CTSE: variants seen among roughly 807,000 people sequenced by gnomAD.
The protein encoded by CTSE is erythrocyte membrane aspartic proteinase.
Under a neutral mutation model 42.8 loss-of-function variants are expected in CTSE, and 43 were observed. The ratio of observed to expected loss-of-function variants is 1.01; its 90% CI spans 0.79 to 1.30. The LOEUF (loss-of-function observed/expected upper bound fraction) is 1.30. Ranked by LOEUF, CTSE falls within the 50% of genes most tolerant of loss-of-function variation. CTSE has a pLI of 0.00. For synonymous variants in CTSE, 205 were observed against 191.5 expected (o/e 1.07, Z -0.58); for missense variants, 532 against 493.5 (o/e 1.08, Z -0.74).
At chr1:206,023,690 C>T (rs1553278826) in intron 1 of CTSE, 34 bp downstream of exon 1, 2 of 1,605,858 alleles carry the variant, frequency 1.2e-6, no homozygotes, top group South Asian at 1.1e-5. Context: ...CATGGGACTA[C>T]CCAGCTGAAC....
At chr1:206,015,672 G>A (rs782103219) in intron 5 of CTSE, among the ~76,000 whole-genome samples, 10 of 152,062 alleles carry the variant, frequency 6.6e-5, no homozygotes, top group Non-Finnish European at 1.2e-4. Flanking sequence ...TTTAGTGACA[G>A]CATCAATGAA....
chr1:206,023,800 C>A lies in CTSE; in HGVS notation c.-9G>T. On this transcript the variant is annotated 5_prime_UTR_variant, in exon 1 of 9. Transcript: ENST00000358184. ...AGAAGGAGCGTTTTCATTGTGAGTC[C>A]GACCAGCAGCTTCTCCCTTGCCCCC... 6.2e-7 allele frequency: 1 copy of A among 1,613,000 alleles called. No individual in the cohort carries two copies.
chr1:206,013,394 G>A (rs1661172664), intron 6 of CTSE, among the ~76,000 whole-genome samples: 1 of 152,042 alleles, frequency 6.6e-6, no homozygotes. Context: ...CAGGATAGTG[G>A]TTTGGGTGCA....
rs974387214 is a variant in CTSE, at chr1:206,014,972, G to A, written c.662+959C>T. Among the ~76,000 whole-genome samples, 7 of 152,088 alleles carry A rather than the reference G, an allele frequency of 4.6e-5. No individual in the cohort carries two copies. The East Asian group carries it at 1.2e-3, about 25-fold the overall frequency. On this transcript the variant is annotated intron_variant, in intron 5 of 8. Coordinates refer to ENST00000358184, the MANE Select transcript of CTSE (RefSeq NM_001910.4). Reference sequence around the variant, plus strand: ...GGGCTTATGCTGAAACAGTGTGAACGCAGGCCAGGTCTGAGCTGGAAAAAG... The same window carrying A: ...GGGCTTATGCTGAAACAGTGTGAACACAGGCCAGGTCTGAGCTGGAAAAAG...
Position 206,009,325 on chromosome 1 carries a change from T to G in CTSE, c.*858A>C, listed in dbSNP as rs1553276547. 6.6e-6 allele frequency: 1 copy of G among 152,054 alleles called. No individual in the cohort carries two copies. Among genetic ancestry groups the G allele is most frequent in the African/African-American group, 2.4e-5 (1 of 41,414 alleles). 9.4% of individuals were successfully genotyped at this position (152,054 alleles called of 1,614,324 possible). On this transcript the variant is annotated 3_prime_UTR_variant, in exon 9 of 9. Transcript: ENST00000358184. ...AGAACTCCAAACCCACCCAGCAGTC[T>G]TAACATTACCAATAGAGAGGCACCA...
At position 206,022,943 on chromosome 1, in the gene CTSE, T is replaced by C. The variant is rs148748152; in HGVS notation, c.183A>G (p.Ser61=). The C allele has an allele frequency of 2.0e-4, 325 of 1,604,420 alleles. 1 individual carries two copies. Among genetic ancestry groups the C allele is most frequent in the Non-Finnish European group, 2.7e-4 (313 of 1,174,098 alleles). ...LDMIQFTESC[S]MDQSAKEPLI... The stretch of plus-strand genomic sequence containing the variant: ...GGGGTTCCTTGGCACTCTGGTCCAT[T>C]GAGCAGGACTCGGTGAACTGGATCA... Residue 61 remains serine, a synonymous_variant, in exon 2 of 9, where the codon TCA becomes TCG. Transcript: ENST00000358184.
intron 6 of CTSE, 95 bp downstream of exon 6, chr1:206,013,677 G>A: frequency 1.4e-6 from 2 of 1,471,674 alleles, no homozygotes; most frequent in Non-Finnish European, 1.9e-6. Flanking sequence ...GGCATCCTCT[G>A]CTAGTGACCA....
At chr1:206,012,167 A>G (rs782502408) in intron 8 of CTSE, 141 bp downstream of exon 8, 7 of 671,756 alleles carry the variant, frequency 1.0e-5, no homozygotes, top group Non-Finnish European at 1.8e-5. Context: ...TGTCCCTCCC[A>G]GAGGGAATGC....
In CTSE at chr1:206,012,492, G is replaced by A. The variant is rs199852986; in HGVS notation, c.927+16C>T. Reference sequence around the variant, plus strand: ...TCTCCTGTCCCCACCACTCCCTTGCGCAGGCAGGCACTCACTTCTCCATCC... The same window carrying A: ...TCTCCTGTCCCCACCACTCCCTTGCACAGGCAGGCACTCACTTCTCCATCC... On this transcript the variant is annotated intron_variant, in intron 7 of 8. Transcript: ENST00000358184. The A allele has an allele frequency of 7.1e-4, 1,138 of 1,613,874 alleles. 11 individuals are homozygous for A. Among genetic ancestry groups the A allele is most frequent in the Non-Finnish European group, 9.0e-4 (1,057 of 1,179,878 alleles).
intron 4 of CTSE, among the ~76,000 whole-genome samples, chr1:206,019,466 G>A (rs74875824): frequency 0.014 from 2,117 of 151,978 alleles, 51 homozygotes; most frequent in African/African-American, 0.049. Context: ...TGGTCCTGGA[G>A]CCAGAAAAAC....
intron 3 of CTSE, 132 bp downstream of exon 3, chr1:206,022,018 T>C (rs1238232179): frequency 1.7e-6 from 1 of 594,540 alleles, no homozygotes; most frequent in Non-Finnish European, 2.9e-6. Flanking sequence ...GACTCAAAGA[T>C]GGAGAGTGGA....
intron 8 of CTSE, 148 bp from the exon 9 acceptor site, chr1:206,010,495 T>C: frequency 1.4e-6 from 1 of 707,516 alleles, no homozygotes; most frequent in Non-Finnish European, 2.6e-6. Context: ...GGGTTCTTCC[T>C]CCTGCTTCAT....
At chr1:206,015,837 C>A in intron 5 of CTSE, 94 bp downstream of exon 5, 1 of 1,140,670 alleles carries the variant, frequency 8.8e-7, no homozygotes, top group Non-Finnish European at 1.3e-6. Context: ...GACCAAGCTA[C>A]CTAAACCAGG....
chr1:206,023,383 A>G (rs1661508772), intron 1 of CTSE, among the ~76,000 whole-genome samples: 1 of 151,878 alleles, frequency 6.6e-6, no homozygotes, highest in African/African-American at 2.4e-5. Flanking sequence ...AAAGGGACAG[A>G]AAAACTCTTG....
intron 1 of CTSE, 80 bp from the exon 2 acceptor site, chr1:206,023,137 GCCAACTAGAGAAGAT>G: frequency 9.9e-6 from 5 of 503,232 alleles, no homozygotes; most frequent in African/African-American, 2.0e-5. Flanking sequence ...TTTCTCAGGG[GCCAACTAGAGAAGAT>G]GGGGTGGGAG....
In CTSE at chr1:206,023,843, G is replaced by A. The variant is rs1182981397; in HGVS notation, c.-52C>T. ...TTGCCCCCTCCTTTCTTCTCTCCCC[G>A]AGGGCAGTGGGAACGGACTTTCCCT... is the stretch of plus-strand genomic sequence containing the variant. On this transcript the variant is annotated 5_prime_UTR_variant, in exon 1 of 9. Transcript: ENST00000358184. 5.6e-5 allele frequency: 88 copies of A among 1,583,008 alleles called. No homozygotes were observed. Among genetic ancestry groups the A allele is most frequent in the Middle Eastern group, 1.7e-4 (1 of 6,026 alleles).
chr1:206,020,015 ATAT>A (rs1219861654), intron 4 of CTSE, among the ~76,000 whole-genome samples: 5 of 145,166 alleles, frequency 3.4e-5, no homozygotes, highest in Non-Finnish European at 6.0e-5. Flanking sequence ...AATGTATTAC[ATAT>A]TATATTAATT....
chr1:206,017,578 C>G (rs1553277836), intron 4 of CTSE, among the ~76,000 whole-genome samples: 1 of 152,060 alleles, frequency 6.6e-6, no homozygotes, highest in African/African-American at 2.4e-5. Context: ...CAACCTCCAC[C>G]TCCTGGGTTC....
intron 1 of CTSE, 94 bp from the exon 2 acceptor site, chr1:206,023,151 A>ACTTTTTTTT: frequency 2.2e-6 from 1 of 458,000 alleles, no homozygotes. Context: ...ACTAGAGAAG[A>ACTTTTTTTT]TGGGGTGGGA....
Sources: allele counts gnomAD v4.1 joint callset (sites outside exome capture counted in the v4.1 genomes callset), GRCh38; gene constraint gnomAD v4.1.1; transcripts MANE v1.5; gene names NCBI Gene and HGNC (gene_info 2026-07-23, HGNC 2026-07-21).